Variants in AVIL observed in about 807,000 individuals in gnomAD.
AVIL encodes advillin.
A neutral mutation model predicts 109.9 loss-of-function variants in AVIL; 78 were observed. The observed-to-expected ratio is 0.71, with a 90% CI of 0.59 to 0.86. AVIL has a LOEUF of 0.86. AVIL is among the 40% of genes least tolerant of loss of function. The probability of loss-of-function intolerance (pLI) is 0.00; values close to 1 mark genes in which losing one functional copy is unlikely to be tolerated. For missense variants in AVIL, 892 were observed against 1,016.5 expected (o/e 0.88, Z 1.67); for synonymous variants, 367 against 379.1 (o/e 0.97, Z 0.37).
At chr12:57,817,903 G>T (rs1956116807) in intron 1 of AVIL, among the ~76,000 whole-genome samples, 1 of 152,200 alleles carries the variant, frequency 6.6e-6, no homozygotes, top group African/African-American at 2.4e-5. Flanking sequence ...CCTTTGAGAG[G>T]ACTGCAGAAA....
Position 57,806,520 on chromosome 12 carries a change from C to G in AVIL, c.1511G>C (p.Gly504Ala), listed in dbSNP as rs983632064. The change falls in exon 14 of 20, where the codon GGA (glycine) becomes GCA (alanine). Residue 504 changes from glycine (G) to alanine (A), a missense_variant. Physicochemically the swap from Gly to Ala is moderately conservative, Grantham distance 60. Transcript: ENST00000549994. ...VIFEGGTSRK[G>A]NAEPDPPVRL... ...TACTGGAGGGTCAGGCTCGGCATTT[C>G]CCTTCCTGGAAGTCCCACCCTAGAG... The G allele has an allele frequency of 6.2e-7, 1 of 1,614,000 alleles. No homozygotes were observed. Among genetic ancestry groups the G allele is most frequent in the African/African-American group, 1.3e-5 (1 of 74,910 alleles).
At chr12:57,799,343 T>C (rs1038434076) in intron 19 of AVIL, among the ~76,000 whole-genome samples, 4 of 152,196 alleles carry the variant, frequency 2.6e-5, no homozygotes, top group Non-Finnish European at 5.9e-5. Context: ...ATGAGGGTAT[T>C]GGTATATGAA....
In AVIL at chr12:57,797,654, G is replaced by C; in HGVS notation, c.*228C>G. On this transcript the variant is annotated 3_prime_UTR_variant, in exon 20 of 20. Transcript: ENST00000549994. ...TTTAGTGCTTTCTGCTGAGGCTTTA[G>C]CTAGAGGGCCACAAAACCCAAAAAC... 1 of 832,700 alleles carries C rather than the reference G, an allele frequency of 1.2e-6. No homozygotes were observed. Among genetic ancestry groups the C allele is most frequent in the South Asian group, 5.4e-5 (1 of 18,596 alleles). The allele number at this position is 832,700 out of a possible 1,614,324, so 51.6% of individuals were successfully genotyped here. A position where few individuals can be genotyped will look rare whatever the true frequency, so the allele number is the denominator to read the frequency against.
intron 4 of AVIL, among the ~76,000 whole-genome samples, chr12:57,812,230 T>TA (rs1210448907): frequency 1.3e-5 from 2 of 152,208 alleles, no homozygotes; most frequent in Non-Finnish European, 2.9e-5. Context: ...ATGAGGGTCT[T>TA]ACTGTGTTGC....
intron 1 of AVIL, among the ~76,000 whole-genome samples, chr12:57,817,486 T>C (rs903288912): frequency 6.6e-6 from 1 of 151,930 alleles, no homozygotes. Flanking sequence ...TTTAATTTGA[T>C]AACTTGTGCT....
At chr12:57,807,838 C>T (rs748405263) in intron 11 of AVIL, 111 bp from the exon 12 acceptor site, 2 of 1,450,322 alleles carry the variant, frequency 1.4e-6, no homozygotes, top group Non-Finnish European at 1.9e-6. Flanking sequence ...CTCCATGTTC[C>T]CTTTCTCCCT....
In AVIL at chr12:57,806,380, G is replaced by A; in HGVS notation, c.1651C>T (p.His551Tyr). 1 of 1,614,110 alleles carries A rather than the reference G, an allele frequency of 6.2e-7. No homozygotes were observed. The highest frequency in any genetic ancestry group is 8.5e-7 in the Non-Finnish European group (1 of 1,180,014). ...CCTACCTTGCCATACCACAGGTAGT[G>A]CTCTGCCTGAGTTCGCAGCAGAAAG... ...DVFLLRTQAEHYLWYGKGSSG... is the reference protein window; with the variant it reads ...DVFLLRTQAEYYLWYGKGSSG... Residue 551 changes from histidine (H) to tyrosine (Y), a missense_variant, in exon 14 of 20, where the codon CAC becomes TAC. By Grantham distance (83) the His-to-Tyr change is moderately conservative (BLOSUM62 2). Coordinates refer to ENST00000549994, the MANE Select transcript of AVIL (RefSeq NM_006576.4).
rs760423898 is a variant in AVIL, at chr12:57,807,646, C to T, written c.1276G>A (p.Val426Ile). The T allele has an allele frequency of 1.2e-5, 20 of 1,614,070 alleles. No homozygotes were observed. Among genetic ancestry groups the T allele is most frequent in the Non-Finnish European group, 1.7e-5 (20 of 1,180,046 alleles). Residue 426 changes from valine to isoleucine, a missense_variant, in exon 12 of 20, where the codon GTC becomes ATC. Coordinates refer to ENST00000549994, the MANE Select transcript of AVIL (RefSeq NM_006576.4). ...GFFYGGDCYL[V>I]LYTYEVNGKP... Reference sequence around the variant, plus strand: ...CCATTTACCTCGTATGTGTAGAGGACCAGATAACAGTCTCCCCCATAAAAG... The same window carrying T: ...CCATTTACCTCGTATGTGTAGAGGATCAGATAACAGTCTCCCCCATAAAAG...
In AVIL at chr12:57,797,715, G is replaced by T; in HGVS notation, c.*167C>A. The T allele has an allele frequency of 1.4e-6, 1 of 723,970 alleles. No homozygotes were observed. Among genetic ancestry groups the T allele is most frequent in the Non-Finnish European group, 1.9e-6 (1 of 524,746 alleles). The allele number at this position is 723,970 out of a possible 1,614,324, so 44.8% of individuals were successfully genotyped here. A position where few individuals can be genotyped will look rare whatever the true frequency, so the allele number is the denominator to read the frequency against. ...ACATTTTAGGTATATAACAAGCAAG[G>T]AATGCAAGGATGAGAAAAAATGGAG... On this transcript the variant is annotated 3_prime_UTR_variant, in exon 20 of 20. Transcript: ENST00000549994.
intron 3 of AVIL, among the ~76,000 whole-genome samples, chr12:57,813,656 C>T (rs980481099): frequency 1.3e-5 from 2 of 152,190 alleles, no homozygotes; most frequent in Non-Finnish European, 2.9e-5. Context: ...GCTTGTTGTT[C>T]CCCAAATAAA....
intron 19 of AVIL, 128 bp downstream of exon 19, chr12:57,799,667 C>T: frequency 7.4e-7 from 1 of 1,359,308 alleles, no homozygotes; most frequent in African/African-American, 1.5e-5. Context: ...GGTTTGAGTT[C>T]CTAGGTAGCT....
intron 18 of AVIL, 125 bp from the exon 19 acceptor site, chr12:57,800,045 A>G (rs1955816159): frequency 1.6e-6 from 2 of 1,272,694 alleles, no homozygotes; most frequent in Middle Eastern, 3.9e-4. Context: ...ATCATCTTTG[A>G]TAACAATGCT....
At chr12:57,815,882 G>T in intron 2 of AVIL, 93 bp downstream of exon 2, 1 of 1,591,774 alleles carries the variant, frequency 6.3e-7, no homozygotes, top group Non-Finnish European at 8.6e-7. Context: ...ATAGGCTAAG[G>T]GGTGCTGGCG....
intron 18 of AVIL, chr12:57,800,228 G>A (rs1345762506): frequency 4.3e-6 from 1 of 235,058 alleles, no homozygotes; most frequent in Non-Finnish European, 8.4e-6. Flanking sequence ...CCTTCTCTTG[G>A]TACTTTTATT....
rs376730846 is a variant in AVIL, at chr12:57,808,320, C to T, written c.1094-26G>A. 100 of 1,613,930 alleles carry T rather than the reference C, an allele frequency of 6.2e-5. 1 individual carries two copies. The highest frequency in any genetic ancestry group is 1.4e-4 in the South Asian group (13 of 91,080). The stretch of plus-strand genomic sequence containing the variant: ...CTGTGGAGAAAGGGTTGGGAAAAGC[C>T]GAGTGAGTAAGAAGCATCTGTGCCT... On this transcript the variant is annotated intron_variant, in intron 10 of 19. Transcript: ENST00000549994.
At chr12:57,802,741 A>C in intron 16 of AVIL, 1 of 594,398 alleles carries the variant, frequency 1.7e-6, no homozygotes. Context: ...CACCTAAGGC[A>C]GAAGCCTGAG....
chr12:57,804,079 A>C, intron 14 of AVIL: 1 of 158,340 alleles, frequency 6.3e-6, no homozygotes. Context: ...GGCACAGAAC[A>C]GTTTCTTCCT....
At chr12:57,816,987 G>T (rs1371677549) in intron 1 of AVIL, among the ~76,000 whole-genome samples, 1 of 151,932 alleles carries the variant, frequency 6.6e-6, no homozygotes, top group Non-Finnish European at 1.5e-5. Flanking sequence ...AGCAAGTCAG[G>T]GTGGGGAGAG....
Position 57,810,474 on chromosome 12 carries a change from C to G in AVIL, c.636G>C (p.Lys212Asn), listed in dbSNP as rs762736936. The G allele has an allele frequency of 1.9e-6, 3 of 1,614,190 alleles. No individual in the cohort carries two copies. The East Asian group carries it at 6.7e-5, about 36-fold the overall frequency. The change falls in exon 7 of 20, where the codon AAG (lysine) becomes AAC (asparagine). Residue 212 changes from lysine to asparagine, a missense_variant. By Grantham distance (94) the Lys-to-Asn change is moderately conservative (BLOSUM62 0). Coordinates refer to ENST00000549994, the MANE Select transcript of AVIL (RefSeq NM_006576.4). Reference sequence around the variant, plus strand: ...TCATCAGCTCTGGGCTGGCTGCCTCCTTGTCTCCCTCGATCACTCCTATTT... The same window carrying G: ...TCATCAGCTCTGGGCTGGCTGCCTCGTTGTCTCCCTCGATCACTCCTATTT... ...RAKIGVIEGD[K>N]EAASPELMKV...
Sources: gnomAD v4.1 joint callset for allele counts (sites outside exome capture counted in the v4.1 genomes callset) on GRCh38, gnomAD v4.1.1 for gene constraint, MANE v1.5 for transcripts, NCBI Gene and HGNC (gene_info 2026-07-23, HGNC 2026-07-21) for gene names.